HDAC9: variants seen among roughly 807,000 people sequenced by gnomAD.
HDAC9 encodes the protein histone deacetylase 9.
HDAC9 carries 41 observed loss-of-function variants against 139.4 expected under a neutral mutation model. The ratio of observed to expected loss-of-function variants is 0.29; its 90% CI spans 0.23 to 0.38. The LOEUF is 0.38. HDAC9 is among the 10% of genes least tolerant of loss of function. The probability of loss-of-function intolerance (pLI) is 1.00; values close to 1 mark genes in which losing one functional copy is unlikely to be tolerated. For synonymous variants in HDAC9, 517 were observed against 476.2 expected (o/e 1.09, Z -1.12); for missense variants, 1,147 against 1,297.0 (o/e 0.88, Z 1.78).
intron 22 of HDAC9, among the ~76,000 whole-genome samples, chr7:18,929,904 A>C (rs1486181462): frequency 6.6e-6 from 1 of 151,840 alleles, no homozygotes; most frequent in African/African-American, 2.4e-5. Flanking sequence ...ACGCCACTGC[A>C]CTCTAGCCCA....
At chr7:18,714,310 A>G (rs10243888) in intron 12 of HDAC9, among the ~76,000 whole-genome samples, 10,582 of 152,216 alleles carry the variant, frequency 0.07, 1,143 homozygotes, top group African/African-American at 0.23. Context: ...TTCTAATGCA[A>G]ATTTGTTCTT....
At chr7:18,170,752 T>A (rs1788366860) in intron 2 of HDAC9, among the ~76,000 whole-genome samples, 1 of 152,140 alleles carries the variant, frequency 6.6e-6, no homozygotes, top group Non-Finnish European at 1.5e-5. Context: ...GATCAGATGG[T>A]TGTAGATGTG....
chr7:18,647,033 T>C (rs760076329), intron 9 of HDAC9, among the ~76,000 whole-genome samples: 12 of 152,162 alleles, frequency 7.9e-5, no homozygotes, highest in East Asian at 1.9e-4. Flanking sequence ...AAATTAAACA[T>C]TGGACACTTA....
intron 17 of HDAC9, among the ~76,000 whole-genome samples, chr7:18,822,242 C>T (rs903900377): frequency 6.6e-6 from 1 of 152,216 alleles, no homozygotes; most frequent in African/African-American, 2.4e-5. Flanking sequence ...AGCCACCATC[C>T]TGAGGCTATC....
chr7:18,874,933 A>T (rs1243905683), intron 22 of HDAC9, among the ~76,000 whole-genome samples: 1 of 152,194 alleles, frequency 6.6e-6, no homozygotes, highest in Non-Finnish European at 1.5e-5. Context: ...TAGAAAAGCT[A>T]CTGTGCTTTT....
intron 2 of HDAC9, among the ~76,000 whole-genome samples, chr7:18,572,317 ATGTCATATTCACAAATATGACTATT>A (rs1470168731): frequency 1.3e-5 from 2 of 150,288 alleles, no homozygotes; most frequent in Admixed American, 1.3e-4. Flanking sequence ...ATTCATAAAT[ATGTCATATTCACAAATATGACTATT>A]TGTCATATTC....
chr7:18,265,000 C>T (rs1795909589), intron 2 of HDAC9, among the ~76,000 whole-genome samples: 1 of 152,076 alleles, frequency 6.6e-6, no homozygotes, highest in South Asian at 2.1e-4. Flanking sequence ...TAGGAATAGC[C>T]AAACATTGTT....
At chr7:18,723,703 C>A (rs1785308808) in intron 12 of HDAC9, among the ~76,000 whole-genome samples, 2 of 101,448 alleles carry the variant, frequency 2.0e-5, no homozygotes, top group South Asian at 7.3e-4. Context: ...TAGAACAATA[C>A]TTACTTACTA....
At chr7:18,874,397 T>C in intron 21 of HDAC9, 81 bp from the exon 22 acceptor site, 1 of 734,854 alleles carries the variant, frequency 1.4e-6, no homozygotes, top group Non-Finnish European at 2.4e-6. Flanking sequence ...TTCCTATTGT[T>C]GTGCCAGGTC....
intron 2 of HDAC9, among the ~76,000 whole-genome samples, chr7:18,563,762 A>T (rs1299440849): frequency 1.3e-5 from 2 of 150,194 alleles, no homozygotes; most frequent in Non-Finnish European, 3.0e-5. Context: ...TTTTTATTAT[A>T]CTTTAAGTTC....
chr7:18,345,497 T>G, intron 1 of HDAC9, among the ~76,000 whole-genome samples: 1 of 151,674 alleles, frequency 6.6e-6, no homozygotes, highest in East Asian at 1.9e-4. Flanking sequence ...GTTCATTTAA[T>G]GAATTGTTGT....
intron 12 of HDAC9, among the ~76,000 whole-genome samples, chr7:18,674,650 A>G (rs1445623869): frequency 6.6e-6 from 1 of 151,980 alleles, no homozygotes; most frequent in Non-Finnish European, 1.5e-5. Context: ...TTTGTTTTAC[A>G]TTGTTCTTAT....
At chr7:18,832,978 T>C (rs147059974) in intron 19 of HDAC9, among the ~76,000 whole-genome samples, 4,756 of 152,064 alleles carry the variant, frequency 0.031, 154 homozygotes, top group African/African-American at 0.076. Context: ...TCAGGTGATC[T>C]GCCCACCTCG....
intron 8 of HDAC9, among the ~76,000 whole-genome samples, chr7:18,638,528 C>T (rs1360128138): frequency 6.6e-6 from 1 of 152,044 alleles, no homozygotes; most frequent in African/African-American, 2.4e-5. Context: ...TCAGACTTCC[C>T]CTGACCCCCA....
intron 1 of HDAC9, among the ~76,000 whole-genome samples, chr7:18,305,915 A>G (rs1401659518): frequency 6.6e-6 from 1 of 152,060 alleles, no homozygotes; most frequent in Non-Finnish European, 1.5e-5. Flanking sequence ...GAGGAAGGTA[A>G]CCTGAGCCAA....
chr7:18,874,091 G>A (rs531681732), intron 21 of HDAC9, among the ~76,000 whole-genome samples: 3 of 151,820 alleles, frequency 2.0e-5, no homozygotes, highest in African/African-American at 7.3e-5. Flanking sequence ...ACTGGAGCAA[G>A]CCGGGTTTTC....
rs146990000 is a variant in HDAC9, at chr7:18,262,091, G to A, written c.25+99742G>A. Reference sequence around the variant, plus strand: ...AACACTGATAATACTAAAAACTGTCGGTTCCCTTATTGTTTCTTTAAAAAT... The same window carrying A: ...AACACTGATAATACTAAAAACTGTCAGTTCCCTTATTGTTTCTTTAAAAAT... On this transcript the variant is annotated intron_variant, in intron 2 of 12. Coordinates refer to the HDAC9 transcript ENST00000417496. Among the ~76,000 whole-genome samples the A allele has an allele frequency of 9.0e-4, 137 of 152,210 alleles. 2 individuals carry two copies. In the Middle Eastern group the frequency reaches 0.014, roughly 15 times the overall value.
intron 1 of HDAC9, among the ~76,000 whole-genome samples, chr7:18,465,391 A>G (rs956390147): frequency 9.9e-5 from 15 of 151,994 alleles, no homozygotes; most frequent in African/African-American, 2.7e-4. Context: ...TTTCCCCACA[A>G]AGTCCTTCAC....
intron 2 of HDAC9, among the ~76,000 whole-genome samples, chr7:18,174,128 T>G (rs536063948): frequency 7.7e-4 from 118 of 152,362 alleles, no homozygotes; most frequent in African/African-American, 2.8e-3. Flanking sequence ...CCATATTTCT[T>G]GGAGGCTTTG....
Sources: gnomAD v4.1 joint callset for allele counts (sites outside exome capture counted in the v4.1 genomes callset) on GRCh38, gnomAD v4.1.1 for gene constraint, MANE v1.5 for transcripts, NCBI Gene and HGNC (gene_info 2026-07-23, HGNC 2026-07-21) for gene names.